Variants in OSBPL2 observed in about 807,000 individuals in gnomAD.
The protein encoded by OSBPL2 is oxysterol-binding protein-related protein 2.
In OSBPL2, 18 loss-of-function variants were observed where a neutral mutation model predicts 58.4. The observed-to-expected ratio is 0.31, with a 90% confidence interval of 0.21 to 0.46. OSBPL2 has a LOEUF of 0.46. OSBPL2 is among the 20% of genes least tolerant of loss of function. The probability of loss-of-function intolerance (pLI) is 1.00; values close to 1 mark genes in which losing one functional copy is unlikely to be tolerated. For synonymous variants in OSBPL2, 221 were observed against 234.1 expected, an observed-to-expected ratio of 0.94 and a Z score of 0.51; for missense variants, 461 against 616.5, an observed-to-expected ratio of 0.75 and a Z score of 2.67.
intron 9 of OSBPL2, 23 bp from the exon 10 acceptor site, chr20:62,284,021 CTT>C: frequency 1.2e-6 from 2 of 1,604,140 alleles, no homozygotes; most frequent in South Asian, 1.1e-5. Context: ...TAAGACTTGT[CTT>C]TAAAAATCCC....
At position 62,251,865 on chromosome 20, in the gene OSBPL2, C is replaced by CTTTTTTT. The variant is rs147891445; in HGVS notation, c.-128-4167_-128-4161dup. ...TCAAGCGTCATTTTAATTGGTATGCCTTTTTTTTTTTTTTTTTTTTTTTTT... is the reference window on the plus strand; with the variant it reads ...TCAAGCGTCATTTTAATTGGTATGCCTTTTTTTTTTTTTTTTTTTTTTTTTTTTTTTT... On this transcript the variant is annotated intron_variant, in intron 1 of 13. Transcript: ENST00000313733. Among the ~76,000 whole-genome samples, 218 of 41,772 alleles carry CTTTTTTT rather than the reference C, an allele frequency of 5.2e-3. 68 individuals are homozygous for CTTTTTTT. The highest frequency in any genetic ancestry group is 0.018 in the African/African-American group (168 of 9,308). 27.4% of individuals were successfully genotyped at this position (41,772 alleles called of 152,430 possible). A position where few individuals can be genotyped will look rare whatever the true frequency, so the allele number is the denominator to read the frequency against.
At position 62,282,995 on chromosome 20, in the gene OSBPL2, C is replaced by G. The variant is rs80258981; in HGVS notation, c.873-1051C>G. Among the ~76,000 whole-genome samples the G allele has an allele frequency of 4.5e-4, 69 of 152,348 alleles. No homozygotes were observed. In the East Asian group the frequency reaches 0.013, roughly 28 times the overall value. ...GGACCTAGAAGGGACAGCAGTCTTA[C>G]AACAGGGTAGCAGTCATCAGTGCCT... On this transcript the variant is annotated intron_variant, in intron 9 of 13. Coordinates refer to ENST00000313733, the MANE Select transcript of OSBPL2 (RefSeq NM_144498.4).
chr20:62,257,454 C>T (rs950530579), intron 2 of OSBPL2, among the ~76,000 whole-genome samples: 1 of 152,216 alleles, frequency 6.6e-6, no homozygotes, highest in Non-Finnish European at 1.5e-5. Flanking sequence ...GAATTATCTG[C>T]AGCGTGTTTG....
chr20:62,252,944 A>C (rs1242845420), intron 1 of OSBPL2, among the ~76,000 whole-genome samples: 3 of 152,248 alleles, frequency 2.0e-5, no homozygotes, highest in Non-Finnish European at 4.4e-5. Context: ...AACACCTCCC[A>C]TCAGGCCTGC....
intron 13 of OSBPL2, among the ~76,000 whole-genome samples, chr20:62,292,882 A>ATTT (rs35975453): frequency 2.1e-5 from 3 of 141,032 alleles, no homozygotes; most frequent in African/African-American, 5.3e-5. Flanking sequence ...ACCTTTCCTC[A>ATTT]TTTTTTTTTT....
chr20:62,280,300 C>G (rs1268920982), intron 7 of OSBPL2: 2 of 374,140 alleles, frequency 5.3e-6, no homozygotes, highest in African/African-American at 4.2e-5. Flanking sequence ...TGGAGAAGCC[C>G]CTGAGAGTGT....
rs570672475 is a variant in OSBPL2 at position 62,254,822 on chromosome 20, T to C, written c.-128-1235T>C. On this transcript the variant is annotated intron_variant, in intron 1 of 13. Transcript: ENST00000313733. ...ACACTAATGTGCATGAGTTCTAGAA[T>C]ATTGAGCTAAGGTCGTTGTGAGAAA... 3.3e-5 allele frequency among the ~76,000 whole-genome samples: 5 copies of C among 152,366 alleles called. No individual in the cohort carries two copies. In the South Asian group the frequency reaches 1.0e-3, roughly 32 times the overall value.
At chr20:62,241,633 TGGG>T (rs1979746637) in intron 1 of OSBPL2, among the ~76,000 whole-genome samples, 1 of 152,244 alleles carries the variant, frequency 6.6e-6, no homozygotes, top group Non-Finnish European at 1.5e-5. Context: ...CCAGGGCTCT[TGGG>T]TCCTGGGTGG....
At chr20:62,251,685 G>A (rs1055741386) in intron 1 of OSBPL2, among the ~76,000 whole-genome samples, 12 of 151,298 alleles carry the variant, frequency 7.9e-5, no homozygotes, top group African/African-American at 2.9e-4. Flanking sequence ...TGGGATTACA[G>A]GCATGAGCCA....
rs1473180251 is a variant in OSBPL2, at chr20:62,278,683, T to C, written c.492-474T>C. The C allele has an allele frequency of 1.4e-5, 2 of 144,262 alleles. 1 individual carries two copies. Among genetic ancestry groups the C allele is most frequent in the African/African-American group, 7.3e-5 (2 of 27,518 alleles). 8.9% of individuals were successfully genotyped at this position (144,262 alleles called of 1,614,324 possible). The stretch of plus-strand genomic sequence containing the variant: ...CAACGTTAGGCCAAGTGCAATGTCA[T>C]GTTTGTGTGTGTGTGTCTGTTGCCA... On this transcript the variant is annotated intron_variant, in intron 6 of 13. Transcript: ENST00000313733.
At chr20:62,259,817 G>C (rs1057232054) in intron 2 of OSBPL2, among the ~76,000 whole-genome samples, 164 bp from the exon 3 acceptor site, 3 of 152,166 alleles carry the variant, frequency 2.0e-5, no homozygotes, top group South Asian at 2.1e-4. Flanking sequence ...TGTTCTCTCT[G>C]TACCGTGTCT....
intron 10 of OSBPL2, chr20:62,286,286 TAAA>T (rs988929425): frequency 8.0e-6 from 2 of 249,612 alleles, no homozygotes; most frequent in Non-Finnish European, 1.6e-5. Context: ...CCGTCTCTAC[TAAA>T]AGTACAAACA....
At chr20:62,268,049 ATTTTT>A (rs149417240) in intron 4 of OSBPL2, among the ~76,000 whole-genome samples, 2 of 116,156 alleles carry the variant, frequency 1.7e-5, no homozygotes, top group African/African-American at 6.5e-5. Context: ...TGCCCGGCTA[ATTTTT>A]TTTTTTTTTT....
intron 1 of OSBPL2, among the ~76,000 whole-genome samples, chr20:62,245,767 C>T (rs137998738): frequency 3.2e-4 from 48 of 152,350 alleles, no homozygotes; most frequent in African/African-American, 5.5e-4. Flanking sequence ...GACAGACAGC[C>T]GTGCACATAC....
intron 4 of OSBPL2, among the ~76,000 whole-genome samples, chr20:62,267,060 G>A (rs1405625505): frequency 1.3e-5 from 2 of 152,202 alleles, no homozygotes; most frequent in African/African-American, 2.4e-5. Context: ...AACCAGCCCG[G>A]GCAACAAAGT....
At chr20:62,280,300 C>T (rs1268920982) in intron 7 of OSBPL2, 5 of 374,140 alleles carry the variant, frequency 1.3e-5, no homozygotes, top group African/African-American at 1.1e-4. Context: ...TGGAGAAGCC[C>T]CTGAGAGTGT....
intron 4 of OSBPL2, 47 bp downstream of exon 4, chr20:62,263,738 C>T (rs751426223): frequency 5.9e-6 from 9 of 1,528,096 alleles, no homozygotes; most frequent in South Asian, 1.1e-5. Context: ...ACCACTGACT[C>T]CTGGGAAGGT....
rs113408010 is a variant in OSBPL2, at chr20:62,288,393, C to T, written c.1126-814C>T. 0.02 allele frequency among the ~76,000 whole-genome samples: 2,852 copies of T among 144,432 alleles called. 86 individuals are homozygous for T. Among genetic ancestry groups the T allele is most frequent in the African/African-American group, 0.067 (2,676 of 40,084 alleles). 94.8% of individuals were successfully genotyped at this position (144,432 alleles called of 152,430 possible). On this transcript the variant is annotated intron_variant, in intron 11 of 13. Transcript: ENST00000313733. This position sits in a 1 kb window ranked among gnomAD's most constrained non-coding sequence, Gnocchi z 4.8. ...CTGCAGAGGCCGGAGGCTGTGGGTG[C>T]AGAGGCTGGGAGGCTGTGGGTGCAG...
chr20:62,264,131 A>G (rs1981515172), intron 4 of OSBPL2, among the ~76,000 whole-genome samples: 1 of 152,134 alleles, frequency 6.6e-6, no homozygotes, highest in African/African-American at 2.4e-5. Context: ...TTAAGACAAT[A>G]AAACAGGAAA....
Sources: gnomAD v4.1 joint callset for allele counts (sites outside exome capture counted in the v4.1 genomes callset) on GRCh38, gnomAD v4.1.1 for gene constraint, Gnocchi (gnomAD v3.1) non-coding constraint, MANE v1.5 for transcripts, NCBI Gene and HGNC (gene_info 2026-07-23, HGNC 2026-07-21) for gene names.